The following RAB27A variants were observed in gnomAD, a reference collection of about 807,000 sequenced individuals.
The protein encoded by RAB27A is RAB27A, member RAS oncogene family, also known as ras-related protein Rab-27A.
In RAB27A, 17 loss-of-function variants were observed where a neutral mutation model predicts 20.8. The ratio of observed to expected loss-of-function variants is 0.82; its 90% CI spans 0.56 to 1.23. The LOEUF is 1.23. Ranked by LOEUF, RAB27A falls within the 50% of genes most tolerant of loss-of-function variation. RAB27A has a pLI of 0.00. For synonymous variants in RAB27A, 85 were observed against 92.8 expected, an observed-to-expected ratio of 0.92 and a Z score of 0.48; for missense variants, 277 against 266.7, an observed-to-expected ratio of 1.04 and a Z score of -0.27.
chr15:55,237,607 T>A (rs79530684), intron 2 of RAB27A, among the ~76,000 whole-genome samples: 1 of 152,056 alleles, frequency 6.6e-6, no homozygotes. Context: ...ATCAACATTA[T>A]AGCACGTCAT....
chr15:55,313,783 C>T (rs1030021017), intron 2 of RAB27A, among the ~76,000 whole-genome samples: 1 of 152,014 alleles, frequency 6.6e-6, no homozygotes, highest in Non-Finnish European at 1.5e-5. Context: ...ACCATCCTGG[C>T]TGACATGGTG....
In RAB27A at chr15:55,209,873, T is replaced by TATATGTGTGTATACATATATACAC. The variant is rs1894867218; in HGVS notation, c.468-4169_468-4168insGTGTATATATGTATACACACATAT. The stretch of plus-strand genomic sequence containing the variant: ...ATATGTGTGTATATACATATATACA[T>TATATGTGTGTATACATATATACAC]ATATGTGTGTGTATACATATATACA... On this transcript the variant is annotated intron_variant, in intron 6 of 6. Coordinates refer to ENST00000336787, the MANE Select transcript of RAB27A (RefSeq NM_183235.3). Among the ~76,000 whole-genome samples, 11 of 10,110 alleles carry TATATGTGTGTATACATATATACAC rather than the reference T, an allele frequency of 1.1e-3. 1 individual carries two copies. The East Asian group carries it at 0.05, about 46-fold the overall frequency. The allele number at this position is 10,110 out of a possible 152,430, so 6.6% of individuals were successfully genotyped here.
At position 55,205,666 on chromosome 15, in the gene RAB27A, G is replaced by A. The variant is rs1464629092; in HGVS notation, c.507C>T (p.Asn169=). 1 of 1,614,076 alleles carries A rather than the reference G, an allele frequency of 6.2e-7. No individual in the cohort carries two copies. Among genetic ancestry groups the A allele is most frequent in the Admixed American group, 1.7e-5 (1 of 60,020 alleles). Residue 169 remains asparagine (N), a synonymous_variant, in exon 7 of 7, where the codon AAC becomes AAT. Transcript: ENST00000336787. ...YFETSAANGT[N]ISQAIEMLLD... Reference sequence around the variant, plus strand: ...GAAGCATCTCAATTGCTTGGCTTATGTTTGTCCCATTGGCAGCACTAGTTT... The same window carrying A: ...GAAGCATCTCAATTGCTTGGCTTATATTTGTCCCATTGGCAGCACTAGTTT...
At position 55,212,651 on chromosome 15, in the gene RAB27A, T is replaced by A. The variant is rs562058684; in HGVS notation, c.468-6946A>T. ...CTCACGCCATTCTCCTGCCTCAGCC[T>A]CCCAAGTAGCTGGGATTACAGGCGG... On this transcript the variant is annotated intron_variant, in intron 6 of 6. Transcript: ENST00000336787. Among the ~76,000 whole-genome samples the A allele has an allele frequency of 4.3e-4, 65 of 151,346 alleles. 1 individual carries two copies. In the South Asian group the frequency reaches 9.0e-3, roughly 21 times the overall value.
chr15:55,258,889 A>G (rs1294807311), intron 2 of RAB27A, among the ~76,000 whole-genome samples: 2 of 152,196 alleles, frequency 1.3e-5, no homozygotes, highest in African/African-American at 4.8e-5. Flanking sequence ...CAATGGCACA[A>G]TCTCATCTCA....
intron 3 of RAB27A, among the ~76,000 whole-genome samples, chr15:55,232,473 A>T (rs1896071054): frequency 6.6e-6 from 1 of 152,218 alleles, no homozygotes; most frequent in Non-Finnish European, 1.5e-5. Context: ...CATGCGCAGG[A>T]AAAAAACAAC....
intron 2 of RAB27A, among the ~76,000 whole-genome samples, chr15:55,308,531 C>G (rs2055007510): frequency 1.3e-5 from 2 of 152,186 alleles, no homozygotes; most frequent in Admixed American, 6.5e-5. Context: ...AGTCCTTTTT[C>G]TACAAAGGAA....
chr15:55,221,943 C>T (rs1895591651), intron 6 of RAB27A, among the ~76,000 whole-genome samples: 1 of 152,092 alleles, frequency 6.6e-6, no homozygotes, highest in South Asian at 2.1e-4. Flanking sequence ...CTTTTTCCAT[C>T]CATCCCCCAT....
intron 1 of RAB27A, chr15:55,317,988 G>A (rs1349411818): frequency 8.9e-6 from 3 of 336,680 alleles, no homozygotes; most frequent in African/African-American, 2.1e-5. Flanking sequence ...ATTAAAACAA[G>A]AATATAAATA....
rs1061823 is a variant in RAB27A, at chr15:55,203,845, T to A, written c.*1662A>T. ...ATTTCAAGGATAGAAATATGTAAAATTTTACCAACCATGGATAAGTTTGTT... is the reference window on the plus strand; with the variant it reads ...ATTTCAAGGATAGAAATATGTAAAAATTTACCAACCATGGATAAGTTTGTT... On this transcript the variant is annotated 3_prime_UTR_variant, in exon 7 of 7. Transcript: ENST00000336787. The A allele has an allele frequency of 0.27, 40,629 of 151,740 alleles. 7,064 individuals carry two copies. The highest frequency in any genetic ancestry group is 0.5 in the African/African-American group (20,453 of 41,312). 9.4% of individuals were successfully genotyped at this position (151,740 alleles called of 1,614,324 possible).
chr15:55,252,168 A>T (rs1302901530), intron 2 of RAB27A, among the ~76,000 whole-genome samples: 1 of 152,192 alleles, frequency 6.6e-6, no homozygotes, highest in African/African-American at 2.4e-5. Flanking sequence ...TGGGCAGACA[A>T]CACAGTTCAT....
intron 4 of RAB27A, among the ~76,000 whole-genome samples, chr15:55,229,778 G>T (rs1895960721): frequency 6.6e-6 from 1 of 152,070 alleles, no homozygotes; most frequent in African/African-American, 2.4e-5. Flanking sequence ...AAGGGGGTGG[G>T]GTGAGAAGAG....
rs533960238 is a variant in RAB27A, at chr15:55,299,423, G to A, written c.-112+14616C>T. Among the ~76,000 whole-genome samples, 21 of 152,022 alleles carry A rather than the reference G, an allele frequency of 1.4e-4. No individual in the cohort carries two copies. The South Asian group carries it at 1.5e-3, about 11-fold the overall frequency. On this transcript the variant is annotated intron_variant, in intron 2 of 5. Transcript: ENST00000563262. The stretch of plus-strand genomic sequence containing the variant: ...AGCCTGGCCAACATGGCAAAACCCC[G>A]TCTCTACTAAAAATACAAAAATTAG...
At position 55,273,318 on chromosome 15, in the gene RAB27A, A is replaced by C. The variant is rs1566932265; in HGVS notation, c.-142-3034T>G. On this transcript the variant is annotated intron_variant, in intron 1 of 6. Coordinates refer to ENST00000336787, the MANE Select transcript of RAB27A (RefSeq NM_183235.3). ...CAGCTACTAGGGAGGCTGAGGCATGAGAATTGCTTGAACCCGGGAGGCGGA... is the reference window on the plus strand; with the variant it reads ...CAGCTACTAGGGAGGCTGAGGCATGCGAATTGCTTGAACCCGGGAGGCGGA... Among the ~76,000 whole-genome samples, 3 of 152,042 alleles carry C rather than the reference A, an allele frequency of 2.0e-5. No homozygotes were observed. The South Asian group carries it at 6.2e-4, about 32-fold the overall frequency.
intron 2 of RAB27A, among the ~76,000 whole-genome samples, chr15:55,298,412 A>ATC (rs1432540448): frequency 6.6e-6 from 1 of 152,072 alleles, no homozygotes; most frequent in Non-Finnish European, 1.5e-5. Flanking sequence ...TGCAAAAACC[A>ATC]CCAAGTTTTT....
intron 2 of RAB27A, chr15:55,238,528 T>A (rs1490349727): frequency 6.6e-6 from 1 of 152,166 alleles, no homozygotes; most frequent in Admixed American, 6.5e-5. Context: ...ACACCATTAT[T>A]CTGAGGATTC....
chr15:55,266,947 A>G (rs186222585), intron 2 of RAB27A, among the ~76,000 whole-genome samples: 2 of 152,342 alleles, frequency 1.3e-5, no homozygotes, highest in Admixed American at 6.5e-5. Flanking sequence ...CATCAACATA[A>G]TAGTATTTCC....
chr15:55,242,800 T>G (rs28705006), intron 2 of RAB27A, among the ~76,000 whole-genome samples: 11,318 of 152,176 alleles, frequency 0.074, 687 homozygotes, highest in Admixed American at 0.18. Flanking sequence ...ATGCTCTAAT[T>G]TCCAGAAGAG....
intron 2 of RAB27A, among the ~76,000 whole-genome samples, chr15:55,262,578 C>G (rs1897312641): frequency 6.7e-6 from 1 of 148,208 alleles, no homozygotes; most frequent in Admixed American, 6.7e-5. Flanking sequence ...CAAAACAAAA[C>G]AAAAAAACAG....
Sources: allele counts gnomAD v4.1 joint callset (sites outside exome capture counted in the v4.1 genomes callset), GRCh38; gene constraint gnomAD v4.1.1; transcripts MANE v1.5; gene names NCBI Gene and HGNC (gene_info 2026-07-23, HGNC 2026-07-21).